HHAT: variants seen among roughly 807,000 people sequenced by gnomAD.
HHAT encodes the protein protein-cysteine N-palmitoyltransferase HHAT.
HHAT carries 47 observed loss-of-function variants against 70.8 expected under a neutral mutation model. The observed-to-expected ratio is 0.66, with a 90% CI of 0.53 to 0.85. The LOEUF (loss-of-function observed/expected upper bound fraction) is 0.85. Ranked by LOEUF, HHAT falls within the 40% of genes least tolerant of loss-of-function variation. HHAT has a pLI of 0.00. For missense variants in HHAT, 609 were observed against 604.8 expected (o/e 1.01, Z -0.07); for synonymous variants, 228 against 247.6 (o/e 0.92, Z 0.74).
At chr1:210,471,224 A>T (rs1251826115) in intron 8 of HHAT, among the ~76,000 whole-genome samples, 1 of 152,100 alleles carries the variant, frequency 6.6e-6, no homozygotes, top group East Asian at 1.9e-4. Flanking sequence ...CTGCTTGTTG[A>T]TACTCCACTG....
intron 9 of HHAT, among the ~76,000 whole-genome samples, chr1:210,531,173 A>G (rs551129417): frequency 4.5e-4 from 68 of 152,348 alleles, no homozygotes; most frequent in African/African-American, 1.4e-3. Flanking sequence ...TCATCTATCT[A>G]AACATAGAAG....
chr1:210,346,601 G>A (rs1229294726), intron 1 of HHAT, among the ~76,000 whole-genome samples: 1 of 152,228 alleles, frequency 6.6e-6, no homozygotes, highest in Non-Finnish European at 1.5e-5. Flanking sequence ...TTAGGTTGCA[G>A]GAAAAGTCCA....
In HHAT at chr1:210,644,948, G is replaced by A. The variant is rs527936239; in HGVS notation, c.1390+21278G>A. On this transcript the variant is annotated intron_variant, in intron 11 of 11. Transcript: ENST00000261458. The stretch of plus-strand genomic sequence containing the variant: ...TAACTTCCACTTACTGCGCATGGCC[G>A]TGTCCTCTGGAGTGGTCATTTGGAG... Among the ~76,000 whole-genome samples, 6 of 152,238 alleles carry A rather than the reference G, an allele frequency of 3.9e-5. No homozygotes were observed. The East Asian group carries it at 5.8e-4, about 15-fold the overall frequency.
chr1:210,636,766 T>A (rs61827413), intron 11 of HHAT, among the ~76,000 whole-genome samples: 4 of 151,906 alleles, frequency 2.6e-5, no homozygotes, highest in Non-Finnish European at 5.9e-5. Flanking sequence ...AACATCCCAA[T>A]TGAAACATCT....
chr1:210,329,265 G>C lies in HHAT; in HGVS notation c.-44+161G>C, dbSNP rs56215802. ...CGGGACAGAGGAAGTTCCCGGTCGG[G>C]CGAAGAAGACAAAAGCGGCGGGGGC... On this transcript the variant is annotated intron_variant, in intron 1 of 11. Transcript: ENST00000261458. The C allele has an allele frequency of 1.9e-3, 2,279 of 1,229,528 alleles. 17 individuals are homozygous for C. The African/African-American group carries it at 0.027, about 15-fold the overall frequency. 76.2% of individuals were successfully genotyped at this position (1,229,528 alleles called of 1,614,324 possible). A position where few individuals can be genotyped will look rare whatever the true frequency, so the allele number is the denominator to read the frequency against.
chr1:210,453,507 C>A (rs963486285), intron 7 of HHAT, among the ~76,000 whole-genome samples: 1 of 151,988 alleles, frequency 6.6e-6, no homozygotes, highest in Admixed American at 6.6e-5. Flanking sequence ...TAAAATACCC[C>A]CTATTCCGTG....
chr1:210,528,115 G>C (rs944795332), intron 9 of HHAT, among the ~76,000 whole-genome samples: 3 of 152,130 alleles, frequency 2.0e-5, no homozygotes, highest in Non-Finnish European at 4.4e-5. Flanking sequence ...TGTTCATCAG[G>C]TGATCATATG....
At chr1:210,444,339 A>G (rs2093590391) in intron 7 of HHAT, among the ~76,000 whole-genome samples, 2 of 140,552 alleles carry the variant, frequency 1.4e-5, no homozygotes, top group African/African-American at 2.6e-5. Flanking sequence ...TCGCTTTGGT[A>G]TCAGAATGAT....
At chr1:210,360,107 G>T (rs74156139) in intron 2 of HHAT, among the ~76,000 whole-genome samples, 6,031 of 152,176 alleles carry the variant, frequency 0.04, 415 homozygotes, top group African/African-American at 0.14. Flanking sequence ...CCTGCCACAG[G>T]TTCTCCTGTA....
At chr1:210,425,011 T>A (rs1244772960) in intron 7 of HHAT, among the ~76,000 whole-genome samples, 2 of 152,212 alleles carry the variant, frequency 1.3e-5, no homozygotes, top group African/African-American at 4.8e-5. Flanking sequence ...CCAGCATCTG[T>A]TATTTTTGGA....
At chr1:210,418,346 C>G in intron 7 of HHAT, 21 bp downstream of exon 7, 2 of 1,561,062 alleles carry the variant, frequency 1.3e-6, no homozygotes, top group Middle Eastern at 3.5e-4. Flanking sequence ...GAATCACCAA[C>G]AGTGGGATGA....
At chr1:210,370,753 T>A (rs2089497076) in intron 3 of HHAT, among the ~76,000 whole-genome samples, 1 of 151,646 alleles carries the variant, frequency 6.6e-6, no homozygotes. Context: ...TAGCTGGGAC[T>A]ACAGGCATGT....
intron 9 of HHAT, among the ~76,000 whole-genome samples, chr1:210,530,994 G>A (rs1368964487): frequency 6.6e-6 from 1 of 152,182 alleles, no homozygotes; most frequent in Non-Finnish European, 1.5e-5. Context: ...TGCATTGTTA[G>A]GCAATTTCAT....
At chr1:210,350,247 T>C (rs1436819923) in intron 2 of HHAT, among the ~76,000 whole-genome samples, 1 of 152,228 alleles carries the variant, frequency 6.6e-6, no homozygotes, top group Non-Finnish European at 1.5e-5. Context: ...TGCTAAAAAT[T>C]GGAAGCAATC....
chr1:210,375,863 TAA>T lies in HHAT; in HGVS notation c.160-11591_160-11590del, dbSNP rs71678097. On this transcript the variant is annotated intron_variant, in intron 3 of 11. Coordinates refer to ENST00000261458, the MANE Select transcript of HHAT (RefSeq NM_018194.6). ...TTGACCTATCCTTAGGTTCAATAATTAAAAAAAAAAAAAAATCTCACTCTGTC... is the reference window on the plus strand; with the variant it reads ...TTGACCTATCCTTAGGTTCAATAATTAAAAAAAAAAAAATCTCACTCTGTC... Among the ~76,000 whole-genome samples the T allele has an allele frequency of 7.5e-3, 1,073 of 143,584 alleles. 11 individuals are homozygous for T. Among genetic ancestry groups the T allele is most frequent in the African/African-American group, 0.024 (937 of 39,132 alleles). 94.2% of individuals were successfully genotyped at this position (143,584 alleles called of 152,430 possible).
In HHAT at chr1:210,674,674, A is replaced by G; in HGVS notation, c.*295A>G. 3.1e-6 allele frequency: 1 copy of G among 327,372 alleles called. No homozygotes were observed. Among genetic ancestry groups the G allele is most frequent in the Non-Finnish European group, 5.6e-6 (1 of 179,788 alleles). The allele number at this position is 327,372 out of a possible 1,614,324, so 20.3% of individuals were successfully genotyped here. A position where few individuals can be genotyped will look rare whatever the true frequency, so the allele number is the denominator to read the frequency against. On this transcript the variant is annotated 3_prime_UTR_variant, in exon 12 of 12. Coordinates refer to ENST00000261458, the MANE Select transcript of HHAT (RefSeq NM_018194.6). ...AGGGTGACATTTTGGTCTAGAACCT[A>G]GTCTCATGAGCCCTTTGCATTCTTT...
intron 8 of HHAT, among the ~76,000 whole-genome samples, chr1:210,507,447 G>A (rs1437314134): frequency 1.4e-5 from 2 of 140,712 alleles, no homozygotes; most frequent in Non-Finnish European, 3.0e-5. Flanking sequence ...TGTAACCTCC[G>A]CCTCCTGGGT....
intron 2 of HHAT, among the ~76,000 whole-genome samples, chr1:210,361,348 G>A (rs1292296926): frequency 1.3e-5 from 2 of 152,216 alleles, no homozygotes; most frequent in African/African-American, 2.4e-5. Context: ...ACACACAATG[G>A]TCTTGCGTGC....
intron 3 of HHAT, among the ~76,000 whole-genome samples, chr1:210,381,697 C>T (rs2090649646): frequency 1.3e-5 from 2 of 152,340 alleles, no homozygotes; most frequent in South Asian, 2.1e-4. Flanking sequence ...CATAATAAAA[C>T]AGTGCTCCTG....
Sources: gnomAD v4.1 joint callset for allele counts (sites outside exome capture counted in the v4.1 genomes callset) on GRCh38, gnomAD v4.1.1 for gene constraint, MANE v1.5 for transcripts, NCBI Gene and HGNC (gene_info 2026-07-23, HGNC 2026-07-21) for gene names.